The following LZTFL1 variants were observed in gnomAD, a reference collection of about 807,000 sequenced individuals.
The protein encoded by LZTFL1 is leucine zipper transcription factor-like protein 1.
LZTFL1 carries 25 observed loss-of-function variants against 45.9 expected under a neutral mutation model. The ratio of observed to expected loss-of-function variants is 0.54; its 90% CI spans 0.40 to 0.76. LZTFL1 has a LOEUF of 0.76. Ranked by LOEUF, LZTFL1 falls within the 30% of genes least tolerant of loss-of-function variation. LZTFL1 has a pLI of 0.00. For synonymous variants in LZTFL1, 93 were observed against 117.4 expected, an observed-to-expected ratio of 0.79 and a Z score of 1.35; for missense variants, 277 against 331.1, an observed-to-expected ratio of 0.84 and a Z score of 1.27.
intron 2 of LZTFL1, among the ~76,000 whole-genome samples, chr3:45,875,995 C>T (rs899395089): frequency 5.9e-5 from 9 of 152,190 alleles, no homozygotes; most frequent in African/African-American, 7.2e-5. Context: ...TTAGGACATT[C>T]GGTTAGCTGC....
chr3:45,858,975 G>GAAGCTGTCCAAGA (rs1216647004), exon 3 of LZTFL1: 1 of 152,140 alleles, frequency 6.6e-6, no homozygotes, highest in African/African-American at 2.4e-5. Flanking sequence ...TGGCCTCTAG[G>GAAGCTGTCCAAGA]AAGCTGTCCA....
At chr3:45,848,965 C>A (rs1234431272) in intron 4 of LZTFL1, among the ~76,000 whole-genome samples, 1 of 152,130 alleles carries the variant, frequency 6.6e-6, no homozygotes, top group East Asian at 1.9e-4. Context: ...AGTAGACCTA[C>A]ACAGTTCAAA....
At chr3:45,874,066 C>T (rs1407232456) in intron 2 of LZTFL1, among the ~76,000 whole-genome samples, 1 of 152,194 alleles carries the variant, frequency 6.6e-6, no homozygotes, top group Non-Finnish European at 1.5e-5. Flanking sequence ...GAGTTTACTA[C>T]ATGTCAAAGA....
chr3:45,842,505 T>G (rs1281241083), upstream of LZTFL1, among the ~76,000 whole-genome samples: 2 of 152,020 alleles, frequency 1.3e-5, no homozygotes, highest in Admixed American at 1.3e-4. Flanking sequence ...AGTTCCTACC[T>G]GAGCATCAGG....
At chr3:45,897,578 T>G in intron 2 of LZTFL1, 1 of 1,535,712 alleles carries the variant, frequency 6.5e-7, no homozygotes, top group African/African-American at 1.4e-5. Flanking sequence ...CAGGCCCCGC[T>G]CCAGATCACC....
intron 2 of LZTFL1, among the ~76,000 whole-genome samples, chr3:45,880,614 C>T (rs967942357): frequency 1.3e-5 from 2 of 152,212 alleles, no homozygotes; most frequent in Admixed American, 1.3e-4. Context: ...CCAACATGCT[C>T]GTGCCCCTCC....
chr3:45,904,534 C>T (rs972932050), intron 2 of LZTFL1, among the ~76,000 whole-genome samples: 2 of 152,184 alleles, frequency 1.3e-5, no homozygotes, highest in Non-Finnish European at 2.9e-5. Context: ...TTCTTCTTTG[C>T]CCATTGTAGT....
intron 2 of LZTFL1, among the ~76,000 whole-genome samples, chr3:45,870,575 A>G (rs947068663): frequency 5.9e-5 from 9 of 152,258 alleles, no homozygotes; most frequent in African/African-American, 2.2e-4. Context: ...ATTTTATAAT[A>G]ACGTCTAAAG....
chr3:45,846,759 G>C (rs867676868), upstream of LZTFL1, among the ~76,000 whole-genome samples: 5 of 152,196 alleles, frequency 3.3e-5, no homozygotes, highest in Admixed American at 6.5e-5. Flanking sequence ...TGGTCTTGCT[G>C]TCTCGGGTGG....
At chr3:45,852,900 G>A (rs879110375) in intron 4 of LZTFL1, among the ~76,000 whole-genome samples, 4 of 152,212 alleles carry the variant, frequency 2.6e-5, no homozygotes, top group Admixed American at 2.6e-4. Flanking sequence ...TAAATCAGAA[G>A]TTAGGCAGAC....
chr3:45,876,611 T>C (rs1217053396), intron 2 of LZTFL1, among the ~76,000 whole-genome samples: 1 of 152,168 alleles, frequency 6.6e-6, no homozygotes, highest in Non-Finnish European at 1.5e-5. Flanking sequence ...CTGGCTCGAC[T>C]CTTTCCTGTA....
At chr3:45,880,866 T>C (rs1245350352) in intron 2 of LZTFL1, among the ~76,000 whole-genome samples, 1 of 152,172 alleles carries the variant, frequency 6.6e-6, no homozygotes, top group Non-Finnish European at 1.5e-5. Context: ...CCTCTGTCTG[T>C]ACTGATTCTC....
intron 2 of LZTFL1, among the ~76,000 whole-genome samples, chr3:45,883,249 C>T (rs1273805158): frequency 1.3e-5 from 2 of 152,200 alleles, no homozygotes; most frequent in East Asian, 1.9e-4. Flanking sequence ...CAGTATTTCT[C>T]TTTGCCCATT....
intron 2 of LZTFL1, among the ~76,000 whole-genome samples, chr3:45,883,485 T>G (rs1394832707): frequency 6.6e-6 from 1 of 152,220 alleles, no homozygotes; most frequent in Non-Finnish European, 1.5e-5. Context: ...CCTCAAAGCT[T>G]AAATTCTGAA....
At chr3:45,899,555 T>C (rs1046023779) in intron 2 of LZTFL1, among the ~76,000 whole-genome samples, 1 of 152,220 alleles carries the variant, frequency 6.6e-6, no homozygotes, top group Non-Finnish European at 1.5e-5. Context: ...CTATTGCATT[T>C]GCCTCAGGAT....
chr3:45,840,309 T>C (rs181310879), intron 1 of LZTFL1, among the ~76,000 whole-genome samples: 3 of 152,360 alleles, frequency 2.0e-5, no homozygotes, highest in Non-Finnish European at 4.4e-5. Context: ...AAACGGCTAT[T>C]CACAAACCTT....
At chr3:45,894,885 T>G in intron 2 of LZTFL1, 1 of 1,603,210 alleles carries the variant, frequency 6.2e-7, no homozygotes, top group East Asian at 2.2e-5. Context: ...GTCCACTTTT[T>G]GATTTTTGTC....
chr3:45,858,831 C>A (rs980476496), intron 3 of LZTFL1: 1 of 152,080 alleles, frequency 6.6e-6, no homozygotes, highest in Non-Finnish European at 1.5e-5. Context: ...TTGACTTGAA[C>A]CTTGAGGATA....
chr3:45,826,454 G>A, intron 9 of LZTFL1, 122 bp from the exon 10 acceptor site: 1 of 812,522 alleles, frequency 1.2e-6, no homozygotes, highest in Non-Finnish European at 2.1e-6. Context: ...GGTAGAAGTT[G>A]GACACATTCA....
Sources: allele counts gnomAD v4.1 joint callset (sites outside exome capture counted in the v4.1 genomes callset), GRCh38; gene constraint gnomAD v4.1.1; transcripts MANE v1.5; gene names NCBI Gene and HGNC (gene_info 2026-07-23, HGNC 2026-07-21).